The following ITFG1 variants were observed in gnomAD, a reference collection of about 807,000 sequenced individuals.
ITFG1 encodes integrin alpha FG-GAP repeat containing 1.
Under a neutral mutation model 81.8 loss-of-function variants are expected in ITFG1, and 34 were observed. The ratio of observed to expected loss-of-function variants is 0.42; its 90% CI spans 0.32 to 0.55. ITFG1 has a LOEUF of 0.55. ITFG1 is among the 20% of genes least tolerant of loss of function. The pLI is 0.17. For missense variants in ITFG1, 672 were observed against 755.4 expected (o/e 0.89, Z 1.29); for synonymous variants, 285 against 270.6 (o/e 1.05, Z -0.52).
chr16:47,353,545 A>C (rs1278944736), intron 8 of ITFG1, among the ~76,000 whole-genome samples: 1 of 152,174 alleles, frequency 6.6e-6, no homozygotes, highest in African/African-American at 2.4e-5. Context: ...TGGAAATCTT[A>C]GCCAGAGCAA....
chr16:47,375,977 G>C (rs1215807112), intron 6 of ITFG1, 37 bp from the exon 7 acceptor site: 1 of 1,285,012 alleles, frequency 7.8e-7, no homozygotes, highest in South Asian at 1.2e-5. Context: ...AAGTTTTGTA[G>C]TCTTACTGAT....
chr16:47,357,759 G>C (rs888167516), intron 8 of ITFG1, among the ~76,000 whole-genome samples: 1 of 152,002 alleles, frequency 6.6e-6, no homozygotes, highest in African/African-American at 2.4e-5. Context: ...ATGGCTCCAG[G>C]GATATAGAGT....
At chr16:47,165,945 C>CT (rs758714548) in intron 14 of ITFG1, among the ~76,000 whole-genome samples, 10 of 152,210 alleles carry the variant, frequency 6.6e-5, no homozygotes, top group African/African-American at 2.2e-4. Context: ...AAATAAAACT[C>CT]TAACTGATGG....
At chr16:47,305,184 C>T (rs1016916084) in intron 10 of ITFG1, among the ~76,000 whole-genome samples, 1 of 152,068 alleles carries the variant, frequency 6.6e-6, no homozygotes, top group Non-Finnish European at 1.5e-5. Flanking sequence ...TCATTTACTA[C>T]TCTCTCTCTG....
In ITFG1 at chr16:47,162,919, C is replaced by T. The variant is rs187645935; in HGVS notation, c.1454-255G>A. On this transcript the variant is annotated intron_variant, in intron 14 of 17. Transcript: ENST00000320640. ...GACCTCTCAGGCTCAAGCTATCCTC[C>T]TTCCGAGCCTCCCAAGTAGCTGAGA... is the stretch of plus-strand genomic sequence containing the variant. Among the ~76,000 whole-genome samples, 10 of 152,230 alleles carry T rather than the reference C, an allele frequency of 6.6e-5. No individual in the cohort carries two copies. The East Asian group carries it at 1.7e-3, about 27-fold the overall frequency.
intron 14 of ITFG1, among the ~76,000 whole-genome samples, chr16:47,179,351 G>T (rs1230122030): frequency 5.9e-5 from 9 of 152,178 alleles, no homozygotes; most frequent in Non-Finnish European, 1.2e-4. Flanking sequence ...TGATAGATTG[G>T]ATTAAGAAAA....
intron 14 of ITFG1, among the ~76,000 whole-genome samples, chr16:47,198,653 G>A (rs1965386230): frequency 1.3e-5 from 2 of 150,508 alleles, no homozygotes; most frequent in Non-Finnish European, 2.9e-5. Flanking sequence ...GTCATCATAG[G>A]AGATGGACAG....
intron 14 of ITFG1, among the ~76,000 whole-genome samples, chr16:47,164,958 TC>T (rs1429598966): frequency 6.6e-6 from 1 of 152,246 alleles, no homozygotes; most frequent in Non-Finnish European, 1.5e-5. Context: ...TCAGTAGTTT[TC>T]CTTAGAATAG....
intron 8 of ITFG1, among the ~76,000 whole-genome samples, chr16:47,345,590 T>C (rs953782959): frequency 6.6e-6 from 1 of 152,204 alleles, no homozygotes; most frequent in Non-Finnish European, 1.5e-5. Context: ...TCAGCCACTG[T>C]GCCCAGCCAA....
intron 8 of ITFG1, among the ~76,000 whole-genome samples, chr16:47,315,517 C>A (rs1207516355): frequency 6.6e-6 from 1 of 152,222 alleles, no homozygotes; most frequent in African/African-American, 2.4e-5. Context: ...ATATTAGAAT[C>A]TTATTCATAC....
intron 6 of ITFG1, among the ~76,000 whole-genome samples, chr16:47,405,702 T>C (rs1968719676): frequency 6.6e-6 from 1 of 152,118 alleles, no homozygotes; most frequent in East Asian, 1.9e-4. Context: ...CAAATACATA[T>C]ACAGTGCTTA....
intron 14 of ITFG1, among the ~76,000 whole-genome samples, chr16:47,191,259 C>A (rs530662619): frequency 1.3e-5 from 2 of 152,094 alleles, no homozygotes; most frequent in African/African-American, 4.8e-5. Context: ...AGGTCTAAGC[C>A]CATCAAAGGC....
intron 6 of ITFG1, 97 bp from the exon 7 acceptor site, chr16:47,376,037 A>T: frequency 1.1e-5 from 7 of 643,298 alleles, no homozygotes; most frequent in Non-Finnish European, 1.9e-5. Context: ...AAGAATTGAC[A>T]CAATTCTACT....
intron 6 of ITFG1, among the ~76,000 whole-genome samples, chr16:47,419,510 G>A (rs553375884): frequency 2.0e-5 from 3 of 151,660 alleles, no homozygotes; most frequent in Admixed American, 6.6e-5. Flanking sequence ...GACTTCACGC[G>A]ATCCACCCAA....
chr16:47,393,634 G>C (rs1968559769), intron 6 of ITFG1, among the ~76,000 whole-genome samples: 1 of 152,028 alleles, frequency 6.6e-6, no homozygotes, highest in South Asian at 2.1e-4. Context: ...GGGAGGCTGA[G>C]GCATAAGAAT....
At chr16:47,168,556 T>C (rs1020925788) in intron 14 of ITFG1, among the ~76,000 whole-genome samples, 1 of 149,410 alleles carries the variant, frequency 6.7e-6, no homozygotes, top group South Asian at 2.1e-4. Context: ...TTTTTTTTTT[T>C]TTTTTTTTTT....
chr16:47,445,194 G>A (rs891806412), intron 5 of ITFG1, among the ~76,000 whole-genome samples: 1 of 147,214 alleles, frequency 6.8e-6, no homozygotes, highest in Non-Finnish European at 1.5e-5. Flanking sequence ...CAGGCCGGGC[G>A]CGGTGGCTCT....
intron 14 of ITFG1, among the ~76,000 whole-genome samples, chr16:47,216,347 C>A (rs988990645): frequency 6.6e-6 from 1 of 152,172 alleles, no homozygotes; most frequent in Non-Finnish European, 1.5e-5. Flanking sequence ...GCATGTGCCA[C>A]CACACCTGGC....
At position 47,320,549 on chromosome 16, in the gene ITFG1, A is replaced by ATATATAACCC. The variant is rs1967433420; in HGVS notation, c.803-6727_803-6726insGGGTTATATA. Among the ~76,000 whole-genome samples the ATATATAACCC allele has an allele frequency of 2.0e-5, 3 of 152,340 alleles. No individual in the cohort carries two copies. The South Asian group carries it at 6.2e-4, about 32-fold the overall frequency. ...GCTGTTCCACACCAATTACTGAATG[A>ATATATAACCC]TATATACTTTTCAGAAAAGAAACTA... On this transcript the variant is annotated intron_variant, in intron 8 of 17. Coordinates refer to ENST00000320640, the MANE Select transcript of ITFG1 (RefSeq NM_030790.5).
Sources: gnomAD v4.1 joint callset for allele counts (sites outside exome capture counted in the v4.1 genomes callset) on GRCh38, gnomAD v4.1.1 for gene constraint, MANE v1.5 for transcripts, NCBI Gene and HGNC (gene_info 2026-07-23, HGNC 2026-07-21) for gene names.